The following DNAJB6 variants were observed in gnomAD, a reference collection of about 807,000 sequenced individuals.
DNAJB6 encodes the protein DnaJ heat shock protein family (Hsp40) member B6, also known as dnaJ homolog subfamily B member 6.
DNAJB6 carries 16 observed loss-of-function variants against 42.7 expected under a neutral mutation model. The observed-to-expected ratio is 0.37, with a 90% CI of 0.25 to 0.57. The LOEUF is 0.57. Among genes scored for constraint, DNAJB6 ranks in the 20% least tolerant of loss-of-function variants. The probability of loss-of-function intolerance (pLI) is 0.74; values close to 1 mark genes in which losing one functional copy is unlikely to be tolerated. For missense variants in DNAJB6, 347 were observed against 416.8 expected (o/e 0.83, Z 1.46); for synonymous variants, 170 against 163.5 (o/e 1.04, Z -0.30).
At chr7:157,351,177 G>GC (rs765526298) in intron 1 of DNAJB6, among the ~76,000 whole-genome samples, 1 of 151,712 alleles carries the variant, frequency 6.6e-6, no homozygotes, top group African/African-American at 2.4e-5. Context: ...CAGGTGATCC[G>GC]CCCCCCTCAG....
intron 5 of DNAJB6, chr7:157,369,585 C>T (rs1800016005): frequency 6.2e-6 from 2 of 325,046 alleles, no homozygotes; most frequent in Non-Finnish European, 1.2e-5. Context: ...CAGGCCGTTT[C>T]TCAACATTAT....
intron 8 of DNAJB6, 80 bp from the exon 9 acceptor site, chr7:157,409,715 C>A: frequency 7.1e-7 from 1 of 1,414,730 alleles, no homozygotes; most frequent in Non-Finnish European, 9.3e-7. Flanking sequence ...ATCGTGCGGC[C>A]AGCTTCCCTC....
chr7:157,363,393 AT>A, intron 3 of DNAJB6, 123 bp downstream of exon 3: 1 of 600,520 alleles, frequency 1.7e-6, no homozygotes, highest in Non-Finnish European at 3.0e-6. Context: ...TGCCTACTGG[AT>A]TTTGGGCCCT....
chr7:157,403,044 T>C (rs1795592904), intron 8 of DNAJB6, among the ~76,000 whole-genome samples: 1 of 151,790 alleles, frequency 6.6e-6, no homozygotes, highest in African/African-American at 2.4e-5. Context: ...CTTGGTTTTA[T>C]GCATCTCAGG....
At chr7:157,386,932 A>T (rs1416604962) in intron 8 of DNAJB6, among the ~76,000 whole-genome samples, 1 of 151,966 alleles carries the variant, frequency 6.6e-6, no homozygotes, top group Non-Finnish European at 1.5e-5. Context: ...TTTGTTTCTC[A>T]GTTTGTAATA....
rs1421465010 is a variant in DNAJB6, at chr7:157,394,604, A to G, written c.691+8993A>G. Among the ~76,000 whole-genome samples, 12 of 152,174 alleles carry G rather than the reference A, an allele frequency of 7.9e-5. No homozygotes were observed. The East Asian group carries it at 2.1e-3, about 27-fold the overall frequency. ...GGCCTCACTTTTTCCTCCTCTATGG[A>G]CAATTTGTCCTTCCTCCATGATGAA... On this transcript the variant is annotated intron_variant, in intron 8 of 9. Coordinates refer to ENST00000262177, the MANE Select transcript of DNAJB6 (RefSeq NM_058246.4).
At chr7:157,358,687 T>G (rs538661815) in intron 2 of DNAJB6, 50 bp downstream of exon 2, 1 of 1,422,258 alleles carries the variant, frequency 7.0e-7, no homozygotes, top group South Asian at 1.1e-5. Flanking sequence ...GGTACATTGG[T>G]AATTGAGTAG....
At chr7:157,380,169 T>A (rs1370499740) in intron 5 of DNAJB6, 1 of 152,302 alleles carries the variant, frequency 6.6e-6, no homozygotes. Context: ...TACCGCATAA[T>A]CAGTTTTAAC....
chr7:157,358,211 C>T (rs975211672), intron 1 of DNAJB6, among the ~76,000 whole-genome samples: 4 of 152,182 alleles, frequency 2.6e-5, no homozygotes, highest in African/African-American at 7.2e-5. Context: ...GAGCACAGAC[C>T]GTGTCTAGGA....
chr7:157,373,736 G>T (rs756492473), intron 5 of DNAJB6, among the ~76,000 whole-genome samples: 36 of 152,148 alleles, frequency 2.4e-4, no homozygotes, highest in Non-Finnish European at 5.0e-4. Context: ...GGTGTGTGCT[G>T]GTGACCTGGA....
chr7:157,400,666 G>C (rs1220437003), intron 8 of DNAJB6, among the ~76,000 whole-genome samples: 1 of 152,196 alleles, frequency 6.6e-6, no homozygotes, highest in Non-Finnish European at 1.5e-5. Flanking sequence ...TCTTGCGTCC[G>C]CCTGGCACGT....
At chr7:157,400,635 C>T (rs1307508168) in intron 8 of DNAJB6, among the ~76,000 whole-genome samples, 2 of 152,244 alleles carry the variant, frequency 1.3e-5, no homozygotes, top group African/African-American at 4.8e-5. Context: ...TATGTCTCAT[C>T]ACCAGGCTCA....
At chr7:157,341,247 C>T (rs1192863162) in intron 1 of DNAJB6, among the ~76,000 whole-genome samples, 2 of 152,112 alleles carry the variant, frequency 1.3e-5, no homozygotes, top group Non-Finnish European at 2.9e-5. Context: ...GCCTCAGCCT[C>T]CCGAGTAGCT....
chr7:157,379,516 C>G (rs530743370), intron 5 of DNAJB6: 6 of 152,248 alleles, frequency 3.9e-5, no homozygotes, highest in Admixed American at 6.5e-5. Context: ...CACACTCTTA[C>G]CCAGGTTGGA....
chr7:157,398,013 A>G (rs996191366), intron 8 of DNAJB6, among the ~76,000 whole-genome samples: 1 of 152,232 alleles, frequency 6.6e-6, no homozygotes, highest in Non-Finnish European at 1.5e-5. Context: ...CTCTTGTCTC[A>G]AAACAAACAA....
At chr7:157,353,482 A>G (rs1289554902) in intron 1 of DNAJB6, among the ~76,000 whole-genome samples, 1 of 151,804 alleles carries the variant, frequency 6.6e-6, no homozygotes, top group Non-Finnish European at 1.5e-5. Context: ...TTTTCTGCTA[A>G]TGTCCTTTTC....
intron 1 of DNAJB6, among the ~76,000 whole-genome samples, chr7:157,345,367 G>A (rs1370498861): frequency 6.6e-6 from 1 of 152,070 alleles, no homozygotes. Flanking sequence ...CCAAGTTGGA[G>A]TGCAGTGACA....
intron 8 of DNAJB6, among the ~76,000 whole-genome samples, chr7:157,401,596 G>C (rs1324408290): frequency 6.6e-6 from 1 of 152,228 alleles, no homozygotes; most frequent in Non-Finnish European, 1.5e-5. Context: ...AGCGAATGTA[G>C]ATTTGAAGTC....
intron 5 of DNAJB6, among the ~76,000 whole-genome samples, chr7:157,367,957 A>G (rs962233374): frequency 6.6e-6 from 1 of 151,708 alleles, no homozygotes; most frequent in African/African-American, 2.4e-5. Flanking sequence ...CTGTCTCAAC[A>G]ACAACAAAAA....
Sources: gnomAD v4.1 joint callset for allele counts (sites outside exome capture counted in the v4.1 genomes callset) on GRCh38, gnomAD v4.1.1 for gene constraint, MANE v1.5 for transcripts, NCBI Gene and HGNC (gene_info 2026-07-23, HGNC 2026-07-21) for gene names.